Variants in GPC5 observed in about 807,000 individuals in gnomAD.
The protein encoded by GPC5 is glypican 5, also known as glypican-5.
GPC5 carries 47 observed loss-of-function variants against 53.9 expected under a neutral mutation model. The ratio of observed to expected loss-of-function variants is 0.87; its 90% confidence interval spans 0.69 to 1.11. GPC5 has a LOEUF of 1.11. GPC5 is among the 50% of genes most tolerant of loss of function. The pLI, the probability that GPC5 is intolerant of heterozygous loss-of-function variation, is 0.00. For synonymous variants in GPC5, 286 were observed against 263.3 expected, an observed-to-expected ratio of 1.09 and a Z score of -0.84; for missense variants, 748 against 713.1, an observed-to-expected ratio of 1.05 and a Z score of -0.56.
At chr13:91,427,644 T>G (rs915871696) in intron 1 of GPC5, among the ~76,000 whole-genome samples, 1 of 152,166 alleles carries the variant, frequency 6.6e-6, no homozygotes, top group South Asian at 2.1e-4. Flanking sequence ...TTTGAGTTAA[T>G]GCTGAAATGA....
intron 7 of GPC5, among the ~76,000 whole-genome samples, chr13:92,846,829 T>C (rs1878627944): frequency 6.6e-6 from 1 of 152,240 alleles, no homozygotes; most frequent in Admixed American, 6.5e-5. Context: ...ACTATGTGGA[T>C]ATTTTGAAAA....
intron 7 of GPC5, among the ~76,000 whole-genome samples, chr13:92,180,213 C>T (rs1005787275): frequency 6.6e-6 from 1 of 152,220 alleles, no homozygotes; most frequent in African/African-American, 2.4e-5. Context: ...ATTTATACCA[C>T]AGGGCTAAAT....
intron 6 of GPC5, among the ~76,000 whole-genome samples, chr13:91,940,438 A>G (rs1331278548): frequency 2.0e-5 from 3 of 152,126 alleles, no homozygotes. Flanking sequence ...TATTGTGAAT[A>G]GTGCTGCAAT....
intron 7 of GPC5, among the ~76,000 whole-genome samples, chr13:92,854,351 G>A (rs945519461): frequency 1.4e-5 from 2 of 147,566 alleles, no homozygotes; most frequent in African/African-American, 4.9e-5. Flanking sequence ...TGTTATCTAT[G>A]AATATATATA....
chr13:92,199,400 T>C (rs1168730451), intron 7 of GPC5, among the ~76,000 whole-genome samples: 1 of 152,214 alleles, frequency 6.6e-6, no homozygotes, highest in Non-Finnish European at 1.5e-5. Flanking sequence ...TTAATAGACT[T>C]TTCATTTAAT....
chr13:92,227,357 A>C (rs2042495415), intron 7 of GPC5, among the ~76,000 whole-genome samples: 1 of 152,190 alleles, frequency 6.6e-6, no homozygotes, highest in Non-Finnish European at 1.5e-5. Context: ...TATTCCCCAG[A>C]TAATCTAGAG....
chr13:92,045,788 C>T (rs779967729), intron 6 of GPC5, among the ~76,000 whole-genome samples: 2 of 152,054 alleles, frequency 1.3e-5, no homozygotes, highest in African/African-American at 2.4e-5. Context: ...GAAGGCTTCA[C>T]GGAGGTAGAT....
chr13:92,323,482 A>C (rs547424072), intron 7 of GPC5, among the ~76,000 whole-genome samples: 4 of 151,734 alleles, frequency 2.6e-5, no homozygotes, highest in Non-Finnish European at 5.9e-5. Flanking sequence ...TATTTAAAAG[A>C]GCTGGCATGC....
chr13:92,626,932 T>C (rs7139928), intron 7 of GPC5, among the ~76,000 whole-genome samples: 76,183 of 151,974 alleles, frequency 0.5, 19,466 homozygotes, highest in South Asian at 0.72. Flanking sequence ...TTTTGCCTTC[T>C]ATAACATCAA....
At chr13:92,852,975 A>C (rs905612680) in intron 7 of GPC5, among the ~76,000 whole-genome samples, 1 of 152,180 alleles carries the variant, frequency 6.6e-6, no homozygotes, top group Admixed American at 6.5e-5. Context: ...GTCAGATCAC[A>C]CTTGTCTAAC....
In GPC5 at chr13:91,827,761, A is replaced by T. The variant is rs188033046; in HGVS notation, c.1280+71341A>T. On this transcript the variant is annotated intron_variant, in intron 5 of 7. Coordinates refer to ENST00000377067, the MANE Select transcript of GPC5 (RefSeq NM_004466.6). ...GATTGAAGTTTAGAATGATATAATCACTTTGGAATGTGTTTTTTGACACTT... is the reference window on the plus strand; with the variant it reads ...GATTGAAGTTTAGAATGATATAATCTCTTTGGAATGTGTTTTTTGACACTT... 2.0e-4 allele frequency among the ~76,000 whole-genome samples: 30 copies of T among 152,198 alleles called. No individual in the cohort carries two copies. In the East Asian group the frequency reaches 5.2e-3, roughly 26 times the overall value.
At chr13:92,266,824 A>C (rs528562964) in intron 7 of GPC5, among the ~76,000 whole-genome samples, 1 of 152,164 alleles carries the variant, frequency 6.6e-6, no homozygotes, top group South Asian at 2.1e-4. Flanking sequence ...TACTAATGAT[A>C]GTGTAATTAA....
chr13:91,436,940 A>C (rs528379459), intron 1 of GPC5, among the ~76,000 whole-genome samples: 91 of 152,238 alleles, frequency 6.0e-4, no homozygotes, highest in Admixed American at 9.8e-4. Context: ...ACCATTATGT[A>C]ATGGCCTTCT....
At chr13:92,712,519 C>T (rs1470146297) in intron 7 of GPC5, among the ~76,000 whole-genome samples, 1 of 151,646 alleles carries the variant, frequency 6.6e-6, no homozygotes, top group Non-Finnish European at 1.5e-5. Context: ...TTGGCACCTA[C>T]ACAATGAGTT....
chr13:91,402,821 G>C (rs1434065300), intron 1 of GPC5, among the ~76,000 whole-genome samples: 1 of 152,142 alleles, frequency 6.6e-6, no homozygotes, highest in African/African-American at 2.4e-5. Flanking sequence ...AGTCAGAAAT[G>C]ATTATTTTTA....
chr13:92,170,344 T>C (rs973868993), intron 7 of GPC5, among the ~76,000 whole-genome samples: 4 of 151,748 alleles, frequency 2.6e-5, no homozygotes, highest in Admixed American at 6.6e-5. Context: ...TTTCTGATGA[T>C]GCTAATTACA....
intron 6 of GPC5, among the ~76,000 whole-genome samples, chr13:92,141,864 C>A (rs2041833815): frequency 6.6e-6 from 1 of 152,072 alleles, no homozygotes; most frequent in Admixed American, 6.6e-5. Flanking sequence ...GGCTGCAAGG[C>A]AGGTCACTCT....
chr13:91,759,306 T>C (rs936538064), intron 5 of GPC5, among the ~76,000 whole-genome samples: 3 of 152,110 alleles, frequency 2.0e-5, no homozygotes, highest in African/African-American at 7.2e-5. Flanking sequence ...AGGCATGCAA[T>C]GTGTAATAAT....
chr13:91,968,943 C>T (rs2040215070), intron 6 of GPC5, among the ~76,000 whole-genome samples: 1 of 151,538 alleles, frequency 6.6e-6, no homozygotes, highest in Admixed American at 6.6e-5. Context: ...TATCTTTCTT[C>T]TTTCTCTTTT....
Sources: gnomAD v4.1 joint callset for allele counts (sites outside exome capture counted in the v4.1 genomes callset) on GRCh38, gnomAD v4.1.1 for gene constraint, MANE v1.5 for transcripts, NCBI Gene and HGNC (gene_info 2026-07-23, HGNC 2026-07-21) for gene names.